The following RNF38 variants were observed in gnomAD, a reference collection of about 807,000 sequenced individuals.
RNF38 encodes the protein ring finger protein 38.
Under a neutral mutation model 67.2 loss-of-function variants are expected in RNF38, and 15 were observed. The ratio of observed to expected loss-of-function variants is 0.22; its 90% CI spans 0.15 to 0.34. The LOEUF (loss-of-function observed/expected upper bound fraction) is 0.34, where lower values mean the gene tolerates loss of function less well. Ranked by LOEUF, RNF38 falls within the 10% of genes least tolerant of loss-of-function variation. The pLI, the probability that RNF38 is intolerant of heterozygous loss-of-function variation, is 1.00. For missense variants in RNF38, 524 were observed against 639.9 expected, an observed-to-expected ratio of 0.82 and a Z score of 1.95; for synonymous variants, 220 against 218.8, an observed-to-expected ratio of 1.01 and a Z score of -0.05.
chr9:36,425,607 T>G (rs944569139), intron 1 of RNF38, among the ~76,000 whole-genome samples: 1 of 151,598 alleles, frequency 6.6e-6, no homozygotes, highest in Non-Finnish European at 1.5e-5. Flanking sequence ...GGAAGGAGAA[T>G]CACTTAAACC....
chr9:36,486,953 G>C (rs1840428732), intron 1 of RNF38, among the ~76,000 whole-genome samples: 1 of 152,058 alleles, frequency 6.6e-6, no homozygotes, highest in South Asian at 2.1e-4. Context: ...GGCCCGCGCC[G>C]GCCCAGGGTG....
chr9:36,460,871 G>C (rs541111553), intron 1 of RNF38, among the ~76,000 whole-genome samples: 1 of 116,632 alleles, frequency 8.6e-6, no homozygotes, highest in South Asian at 2.8e-4. Context: ...TGGGCAACAA[G>C]AGGGAAACTC....
chr9:36,441,471 C>T (rs978952923), intron 1 of RNF38, among the ~76,000 whole-genome samples: 49 of 152,014 alleles, frequency 3.2e-4, no homozygotes, highest in Non-Finnish European at 2.9e-5. Flanking sequence ...GGATTACAGG[C>T]ACGCGCCACC....
At chr9:36,340,783 T>C (rs1832775377) in intron 11 of RNF38, among the ~76,000 whole-genome samples, 2 of 152,222 alleles carry the variant, frequency 1.3e-5, no homozygotes. Flanking sequence ...CTTACTCACC[T>C]GTTCCCTGGC....
chr9:36,416,094 C>G (rs775897457), intron 2 of RNF38, among the ~76,000 whole-genome samples: 1 of 151,100 alleles, frequency 6.6e-6, no homozygotes, highest in Non-Finnish European at 1.5e-5. Flanking sequence ...TTTTGTTTTA[C>G]GCTACCAGGG....
chr9:36,452,981 G>T (rs968194304), intron 1 of RNF38, among the ~76,000 whole-genome samples: 14 of 152,146 alleles, frequency 9.2e-5, no homozygotes, highest in African/African-American at 3.1e-4. Flanking sequence ...TACAGCTTCT[G>T]TGTAGACTTA....
intron 4 of RNF38, among the ~76,000 whole-genome samples, chr9:36,360,477 T>C (rs1834446432): frequency 6.6e-6 from 1 of 152,206 alleles, no homozygotes; most frequent in South Asian, 2.1e-4. Context: ...TTAGAAAATC[T>C]GCATTATACT....
chr9:36,420,194 T>C (rs904005011), intron 2 of RNF38, among the ~76,000 whole-genome samples: 3 of 152,130 alleles, frequency 2.0e-5, no homozygotes, highest in Non-Finnish European at 4.4e-5. Flanking sequence ...AAAACTGGAA[T>C]AAAGCAGTCC....
In RNF38 at chr9:36,390,617, C is replaced by G; in HGVS notation, c.13-1G>C. The G allele has an allele frequency of 1.9e-6, 3 of 1,613,452 alleles. No homozygotes were observed. The highest frequency in any genetic ancestry group is 2.5e-6 in the Non-Finnish European group (3 of 1,179,748). ...ATGCTGAATTGGCCCCGGGAGATATCTGGGAAAAAGAGGAAGAAAAGGATA... is the reference window on the plus strand; with the variant it reads ...ATGCTGAATTGGCCCCGGGAGATATGTGGGAAAAAGAGGAAGAAAAGGATA... On this transcript the variant is annotated splice_acceptor_variant, in intron 1 of 11. Coordinates refer to ENST00000259605, the MANE Select transcript of RNF38 (RefSeq NM_022781.5). LOFTEE classifies it high-confidence loss of function.
In RNF38 at chr9:36,353,157, T is replaced by G; in HGVS notation, c.1071+13A>C. On this transcript the variant is annotated intron_variant, in intron 7 of 11. Coordinates refer to ENST00000259605, the MANE Select transcript of RNF38 (RefSeq NM_022781.5). ...AAAGCAAGTAATTAACATAGTACTC[T>G]GTGAAAACTTACTACTCCAAAGGAC... is the stretch of plus-strand genomic sequence containing the variant. 1 of 1,609,720 alleles carries G rather than the reference T, an allele frequency of 6.2e-7. No individual in the cohort carries two copies. Among genetic ancestry groups the G allele is most frequent in the African/African-American group, 1.3e-5 (1 of 74,928 alleles).
chr9:36,341,487 C>T (rs1043619870), intron 11 of RNF38, among the ~76,000 whole-genome samples: 7 of 151,996 alleles, frequency 4.6e-5, no homozygotes, highest in Non-Finnish European at 8.8e-5. Context: ...CTGCACCCAG[C>T]CTATTAAAAT....
intron 2 of RNF38, among the ~76,000 whole-genome samples, chr9:36,386,826 G>A (rs1295421387): frequency 1.3e-5 from 2 of 152,214 alleles, no homozygotes; most frequent in African/African-American, 4.8e-5. Flanking sequence ...TTTTTGAGAG[G>A]TAGTCTTGCT....
At chr9:36,435,695 T>C (rs1839048182) in intron 1 of RNF38, among the ~76,000 whole-genome samples, 1 of 151,306 alleles carries the variant, frequency 6.6e-6, no homozygotes, top group Non-Finnish European at 1.5e-5. Context: ...AGTGGCGCGA[T>C]CTCGGCTCCC....
chr9:36,383,463 T>C (rs1836357610), intron 2 of RNF38, among the ~76,000 whole-genome samples: 1 of 152,218 alleles, frequency 6.6e-6, no homozygotes, highest in African/African-American at 2.4e-5. Flanking sequence ...GTGCTGGGAT[T>C]ATAAGCATGA....
intron 2 of RNF38, among the ~76,000 whole-genome samples, chr9:36,409,276 AAGAAAGAAAGAAAAGAAAG>A (rs1838259839): frequency 1.3e-5 from 2 of 151,564 alleles, no homozygotes; most frequent in South Asian, 4.2e-4. Flanking sequence ...GAAAGAAGGA[AAGAAAGAAAGAAAAGAAAG>A]AGAGAGAAAG....
At chr9:36,467,120 A>G (rs572429666) in intron 1 of RNF38, among the ~76,000 whole-genome samples, 1 of 128,398 alleles carries the variant, frequency 7.8e-6, no homozygotes, top group African/African-American at 3.0e-5. Flanking sequence ...TGGAGGTTGC[A>G]GTGAGCCGAG....
At chr9:36,487,654 G>T, upstream of RNF38, 14 of 881,796 alleles carry the variant, frequency 1.6e-5, no homozygotes, top group Non-Finnish European at 1.9e-5. Flanking sequence ...GGCGGCGACG[G>T]AGGCGGCTCC....
intron 1 of RNF38, among the ~76,000 whole-genome samples, chr9:36,453,171 T>C (rs2134343814): frequency 6.6e-6 from 1 of 152,310 alleles, no homozygotes; most frequent in East Asian, 1.9e-4. Context: ...GTTGTCTGTC[T>C]TCTATTATTA....
At chr9:36,406,876 A>C (rs547296659) in intron 2 of RNF38, among the ~76,000 whole-genome samples, 10 of 152,326 alleles carry the variant, frequency 6.6e-5, no homozygotes, top group African/African-American at 2.4e-4. Flanking sequence ...ATAAAGCTGC[A>C]CTGGGCCGGG....
Sources: gnomAD v4.1 joint callset for allele counts (sites outside exome capture counted in the v4.1 genomes callset) on GRCh38, gnomAD v4.1.1 for gene constraint, MANE v1.5 for transcripts, NCBI Gene and HGNC (gene_info 2026-07-23, HGNC 2026-07-21) for gene names.